The following ITFG1 variants were observed in gnomAD, a reference collection of about 807,000 sequenced individuals.
The protein encoded by ITFG1 is integrin alpha FG-GAP repeat containing 1.
In ITFG1, 34 loss-of-function variants were observed where a neutral mutation model predicts 81.8. The ratio of observed to expected loss-of-function variants is 0.42; its 90% CI spans 0.32 to 0.55. The LOEUF is 0.55. Ranked by LOEUF, ITFG1 falls within the 20% of genes least tolerant of loss-of-function variation. The pLI is 0.17. For synonymous variants in ITFG1, 285 were observed against 270.6 expected, an observed-to-expected ratio of 1.05 and a Z score of -0.52; for missense variants, 672 against 755.4, an observed-to-expected ratio of 0.89 and a Z score of 1.29.
intron 10 of ITFG1, among the ~76,000 whole-genome samples, chr16:47,301,680 G>A (rs556640571): frequency 6.6e-6 from 1 of 152,314 alleles, no homozygotes; most frequent in Non-Finnish European, 1.5e-5. Context: ...ACAGGCGTGA[G>A]CCATCGTGCC....
At chr16:47,323,640 G>A (rs11862517) in intron 8 of ITFG1, among the ~76,000 whole-genome samples, 18,038 of 152,068 alleles carry the variant, frequency 0.12, 2,342 homozygotes, top group African/African-American at 0.33. Context: ...CTAACTCAGA[G>A]TTTGATAAAG....
chr16:47,292,108 GT>G, intron 10 of ITFG1, among the ~76,000 whole-genome samples: 1 of 151,882 alleles, frequency 6.6e-6, no homozygotes, highest in Non-Finnish European at 1.5e-5. Context: ...CCACCTTCTG[GT>G]TTCAAGAGAT....
In ITFG1 at chr16:47,451,429, T is replaced by A. The variant is rs1462816368; in HGVS notation, c.527A>T (p.Asn176Ile). 1 of 1,588,058 alleles carries A rather than the reference T, an allele frequency of 6.3e-7. No individual in the cohort carries two copies. Among genetic ancestry groups the A allele is most frequent in the African/African-American group, 1.3e-5 (1 of 74,346 alleles). Residue 176 changes from asparagine (N) to isoleucine (I), a missense_variant, in exon 5 of 18, where the codon AAT becomes ATT. Transcript: ENST00000320640. ...DLIPDIFGIT[N>I]ESNQPQILLG... ...TAGTATCTGTGGCTGGTTGGATTCA[T>A]TTGTGATACCAAAAATATCAGGAAT... is the stretch of plus-strand genomic sequence containing the variant.
At chr16:47,433,791 A>ATATG (rs1172594013) in intron 5 of ITFG1, among the ~76,000 whole-genome samples, 29 of 143,956 alleles carry the variant, frequency 2.0e-4, no homozygotes, top group African/African-American at 6.1e-4. Flanking sequence ...ATATATATAT[A>ATATG]TACACACACA....
intron 6 of ITFG1, among the ~76,000 whole-genome samples, chr16:47,404,748 T>C (rs139848941): frequency 6.9e-4 from 105 of 152,294 alleles, no homozygotes; most frequent in Middle Eastern, 3.4e-3. Context: ...CTGTGACTCA[T>C]CCATGTTAAT....
At chr16:47,268,084 T>G (rs535662078) in intron 10 of ITFG1, among the ~76,000 whole-genome samples, 1 of 151,644 alleles carries the variant, frequency 6.6e-6, no homozygotes, top group African/African-American at 2.4e-5. Context: ...GAAAAATCAA[T>G]GATAACAAAA....
intron 6 of ITFG1, among the ~76,000 whole-genome samples, chr16:47,404,087 G>C (rs1426954096): frequency 6.6e-6 from 1 of 152,030 alleles, no homozygotes; most frequent in Non-Finnish European, 1.5e-5. Context: ...CATCACCTAG[G>C]CCTCGTCTGT....
At chr16:47,180,548 G>C (rs1436521577) in intron 14 of ITFG1, among the ~76,000 whole-genome samples, 1 of 152,124 alleles carries the variant, frequency 6.6e-6, no homozygotes, top group African/African-American at 2.4e-5. Flanking sequence ...ACGCCTGACT[G>C]TTTTTCGTAT....
chr16:47,188,418 G>C (rs1165988953), intron 14 of ITFG1, among the ~76,000 whole-genome samples: 1 of 150,756 alleles, frequency 6.6e-6, no homozygotes, highest in African/African-American at 2.4e-5. Flanking sequence ...ATACACCATG[G>C]AATACTATGC....
chr16:47,158,208 C>G (rs565582612), intron 17 of ITFG1, among the ~76,000 whole-genome samples: 25 of 152,280 alleles, frequency 1.6e-4, no homozygotes, highest in African/African-American at 6.0e-4. Flanking sequence ...GATTCTCCGA[C>G]CTCAGCCTCC....
chr16:47,381,099 G>T (rs1006955878), intron 6 of ITFG1, among the ~76,000 whole-genome samples: 1 of 152,194 alleles, frequency 6.6e-6, no homozygotes, highest in Non-Finnish European at 1.5e-5. Flanking sequence ...TTTGTCAACT[G>T]CAGCTTAGCC....
intron 6 of ITFG1, among the ~76,000 whole-genome samples, chr16:47,379,968 A>G (rs1429519928): frequency 1.3e-5 from 2 of 151,806 alleles, no homozygotes; most frequent in African/African-American, 2.4e-5. Flanking sequence ...TTGAGGCAGT[A>G]CAAGACAGAT....
At chr16:47,313,135 T>C (rs925204653) in intron 9 of ITFG1, 2 of 152,280 alleles carry the variant, frequency 1.3e-5, no homozygotes, top group Admixed American at 6.5e-5. Context: ...TAAATGCTTT[T>C]AGAATGCTGA....
intron 6 of ITFG1, among the ~76,000 whole-genome samples, chr16:47,426,799 A>T (rs1969026627): frequency 6.6e-6 from 1 of 152,140 alleles, no homozygotes; most frequent in Non-Finnish European, 1.5e-5. Flanking sequence ...ATTATGCAAT[A>T]TTATTTTCTA....
intron 13 of ITFG1, among the ~76,000 whole-genome samples, chr16:47,228,372 G>GGA (rs1965779732): frequency 6.6e-6 from 1 of 151,754 alleles, no homozygotes; most frequent in African/African-American, 2.4e-5. Context: ...TTGTTTGTTT[G>GGA]TTTTTTAGAC....
At chr16:47,343,082 G>C (rs1405131214) in intron 8 of ITFG1, among the ~76,000 whole-genome samples, 1 of 152,066 alleles carries the variant, frequency 6.6e-6, no homozygotes, top group Non-Finnish European at 1.5e-5. Flanking sequence ...TCACACTTCT[G>C]AACTTTAAAA....
At chr16:47,391,709 T>C (rs1437019209) in intron 6 of ITFG1, among the ~76,000 whole-genome samples, 2 of 152,204 alleles carry the variant, frequency 1.3e-5, no homozygotes, top group Non-Finnish European at 2.9e-5. Context: ...AGGATAAATA[T>C]TAGAAATATA....
intron 12 of ITFG1, among the ~76,000 whole-genome samples, chr16:47,239,739 T>C (rs989137675): frequency 1.3e-5 from 2 of 152,212 alleles, no homozygotes; most frequent in African/African-American, 4.8e-5. Flanking sequence ...CTCACTCTTT[T>C]ATTATGAAAA....
At chr16:47,305,471 G>A (rs1208075294) in intron 10 of ITFG1, among the ~76,000 whole-genome samples, 1 of 152,044 alleles carries the variant, frequency 6.6e-6, no homozygotes, top group Non-Finnish European at 1.5e-5. Flanking sequence ...TCCCTCATGT[G>A]TTCTAATATG....
Sources: allele counts gnomAD v4.1 joint callset (sites outside exome capture counted in the v4.1 genomes callset), GRCh38; gene constraint gnomAD v4.1.1; transcripts MANE v1.5; gene names NCBI Gene and HGNC (gene_info 2026-07-23, HGNC 2026-07-21).